The following NFASC variants were observed in gnomAD, a reference collection of about 807,000 sequenced individuals.
NFASC encodes the protein neurofascin homolog.
A neutral mutation model predicts 147.5 loss-of-function variants in NFASC; 43 were observed. The observed-to-expected ratio is 0.29, with a 90% CI of 0.23 to 0.38. The LOEUF (loss-of-function observed/expected upper bound fraction) is 0.38. Among genes scored for constraint, NFASC ranks in the 10% least tolerant of loss-of-function variants. The pLI, the probability that NFASC is intolerant of heterozygous loss-of-function variation, is 1.00. For missense variants in NFASC, 1,320 were observed against 1,689.0 expected (o/e 0.78, Z 3.83); for synonymous variants, 622 against 665.5 (o/e 0.93, Z 1.01).
chr1:204,839,024 T>C (rs915184349), intron 1 of NFASC, among the ~76,000 whole-genome samples: 2 of 152,254 alleles, frequency 1.3e-5, no homozygotes, highest in Non-Finnish European at 2.9e-5. Context: ...TGAACATGCT[T>C]GATTTCCTGT....
In NFASC at chr1:204,979,213, GTC is replaced by G. The variant is rs2095468738; in HGVS notation, c.1979-145_1979-144del. On this transcript the variant is annotated intron_variant, in intron 18 of 29. Transcript: ENST00000339876. The surrounding 1 kb of genome is among the most constrained non-coding windows in gnomAD (Gnocchi z 6.0). ...CCTCAGAATGTACAGAGGCCTTGGT[GTC>G]TCTTCCTGTGCCTTGGGAAGAATTC... is the stretch of plus-strand genomic sequence containing the variant. 2 of 928,010 alleles carry G rather than the reference GTC, an allele frequency of 2.2e-6. No individual in the cohort carries two copies. The highest frequency in any genetic ancestry group is 3.4e-6 in the Non-Finnish European group (2 of 592,494). 57.5% of individuals were successfully genotyped at this position (928,010 alleles called of 1,614,324 possible).
chr1:204,993,159 C>G (rs2095776036), intron 24 of NFASC, among the ~76,000 whole-genome samples: 1 of 152,202 alleles, frequency 6.6e-6, no homozygotes, highest in Non-Finnish European at 1.5e-5. Flanking sequence ...CTCTCGTCCT[C>G]TCCAAACCTG....
At chr1:204,870,571 C>A in intron 1 of NFASC, 1 of 716,412 alleles carries the variant, frequency 1.4e-6, no homozygotes, top group Non-Finnish European at 1.7e-6. Context: ...GAGCCTGGCC[C>A]GGCCTGGTAC....
chr1:205,007,272 CGTA>C (rs1250929307), intron 27 of NFASC, among the ~76,000 whole-genome samples: 2 of 151,918 alleles, frequency 1.3e-5, no homozygotes, highest in Non-Finnish European at 2.9e-5. Context: ...GACATGCACT[CGTA>C]GTCCCAGCTA....
At chr1:204,889,809 G>A (rs1279342558) in intron 1 of NFASC, among the ~76,000 whole-genome samples, 1 of 152,224 alleles carries the variant, frequency 6.6e-6, no homozygotes, top group Non-Finnish European at 1.5e-5. Flanking sequence ...GCGGCTGGGA[G>A]CTGTCATCAG....
In NFASC at chr1:205,009,335, C is replaced by T. The variant is rs943981610; in HGVS notation, c.3290-222C>T. Reference sequence around the variant, plus strand: ...ACCTTCTGCTTATTTGCTCCTTGTACCCCTTTCCTTTGCCTCTTTTCTGAT... The same window carrying T: ...ACCTTCTGCTTATTTGCTCCTTGTATCCCTTTCCTTTGCCTCTTTTCTGAT... On this transcript the variant is annotated intron_variant, in intron 27 of 29. Coordinates refer to ENST00000339876, the MANE Select transcript of NFASC (RefSeq NM_001005388.3). The T allele has an allele frequency of 5.8e-6, 4 of 689,326 alleles. No individual in the cohort carries two copies. In the African/African-American group the frequency reaches 7.0e-5, roughly 12 times the overall value. The allele number at this position is 689,326 out of a possible 1,614,324, so 42.7% of individuals were successfully genotyped here.
At chr1:205,014,384 A>T (rs1428902828) in intron 29 of NFASC, among the ~76,000 whole-genome samples, 4 of 152,218 alleles carry the variant, frequency 2.6e-5, no homozygotes, top group Non-Finnish European at 4.4e-5. Context: ...ACCTGGGAAA[A>T]GGCTGAAATT....
At chr1:205,014,702 C>T (rs1005251851) in intron 29 of NFASC, among the ~76,000 whole-genome samples, 1 of 152,194 alleles carries the variant, frequency 6.6e-6, no homozygotes, top group Non-Finnish European at 1.5e-5. Flanking sequence ...TGCTACAGAT[C>T]TCTTCCCCCG....
At chr1:204,935,344 A>G (rs931350187) in intron 2 of NFASC, among the ~76,000 whole-genome samples, 1 of 152,232 alleles carries the variant, frequency 6.6e-6, no homozygotes, top group African/African-American at 2.4e-5. Flanking sequence ...GGAGTCAGCC[A>G]CCATCACCTG....
chr1:204,952,412 C>G (rs908481096), intron 5 of NFASC, among the ~76,000 whole-genome samples: 1 of 152,114 alleles, frequency 6.6e-6, no homozygotes, highest in Non-Finnish European at 1.5e-5. Context: ...ATCTGCCCCA[C>G]GTTTAGCTTA....
At chr1:204,949,376 G>T (rs535584608) in intron 3 of NFASC, among the ~76,000 whole-genome samples, 1 of 152,300 alleles carries the variant, frequency 6.6e-6, no homozygotes, top group South Asian at 2.1e-4. Context: ...AAGTAGGAAG[G>T]CTTCAAAGTC....
Position 204,979,519 on chromosome 1 carries a change from C to T in NFASC, c.2136C>T (p.His712=), listed in dbSNP as rs777588508. The change falls in exon 19 of 30, where the codon CAC becomes CAT. Residue 712 remains histidine (H), a synonymous_variant. Transcript: ENST00000339876. The surrounding 1 kb of genome is among the most constrained non-coding windows in gnomAD (Gnocchi z 6.0). The part of the protein sequence containing the change: ...VIAINEVGSS[H]PSLPSERYRT... ...CCATCAACGAGGTTGGGAGCAGCCA[C>T]CCCAGCCTCCCATCCGAGCGCTACC... is the stretch of plus-strand genomic sequence containing the variant. The T allele has an allele frequency of 8.9e-5, 143 of 1,613,690 alleles. 3 individuals carry two copies. The South Asian group carries it at 1.5e-3, about 17-fold the overall frequency.
intron 3 of NFASC, among the ~76,000 whole-genome samples, chr1:204,945,477 A>G (rs1388758603): frequency 6.6e-6 from 1 of 152,130 alleles, no homozygotes; most frequent in African/African-American, 2.4e-5. Flanking sequence ...AGTTGGAGGT[A>G]TCTCAGCCCT....
intron 17 of NFASC, 25 bp downstream of exon 17, chr1:204,977,750 C>T (rs780046700): frequency 6.2e-7 from 1 of 1,600,762 alleles, no homozygotes; most frequent in Non-Finnish European, 8.5e-7. Context: ...TCACAGTCCC[C>T]TGCCAGTGCC....
chr1:205,012,792 C>G lies in NFASC; in HGVS notation c.3422-5C>G. 6.2e-7 allele frequency: 1 copy of G among 1,610,202 alleles called. No homozygotes were observed. The highest frequency in any genetic ancestry group is 8.5e-7 in the Non-Finnish European group (1 of 1,176,418). ...TCTGTGTCTTTGCTTCTCCTTTTGACCAAGTACGAGAAAAGAAGGATGTTC... is the reference window on the plus strand; with the variant it reads ...TCTGTGTCTTTGCTTCTCCTTTTGAGCAAGTACGAGAAAAGAAGGATGTTC... On this transcript the variant is annotated splice_region_variant and splice_polypyrimidine_tract_variant and intron_variant, in intron 28 of 29. Transcript: ENST00000339876.
At chr1:204,896,584 G>A (rs186121326) in intron 1 of NFASC, among the ~76,000 whole-genome samples, 2 of 152,286 alleles carry the variant, frequency 1.3e-5, no homozygotes, top group Non-Finnish European at 2.9e-5. Context: ...TGTACACTCA[G>A]GAAGGGACAC....
intron 1 of NFASC, among the ~76,000 whole-genome samples, chr1:204,900,696 G>T (rs568853911): frequency 1.2e-4 from 18 of 152,262 alleles, no homozygotes; most frequent in South Asian, 4.1e-4. Context: ...GAGGTGGTTT[G>T]CAATTTCAGG....
chr1:204,962,583 A>G (rs2094731323), intron 8 of NFASC, among the ~76,000 whole-genome samples: 1 of 152,202 alleles, frequency 6.6e-6, no homozygotes, highest in African/African-American at 2.4e-5. Flanking sequence ...GCTTGTTAGT[A>G]TGTTCAGTTA....
Position 204,900,176 on chromosome 1 carries a change from A to G in NFASC, c.-199-20456A>G, listed in dbSNP as rs12061695. ...TTTATTAAAATATAAGATTAAGACT[A>G]GCCAAAATAAATACTCTGTTTGAGA... On this transcript the variant is annotated intron_variant, in intron 1 of 29. Coordinates refer to ENST00000339876, the MANE Select transcript of NFASC (RefSeq NM_001005388.3). Among the ~76,000 whole-genome samples, 1,071 of 152,348 alleles carry G rather than the reference A, an allele frequency of 7.0e-3. 16 individuals carry two copies. The highest frequency in any genetic ancestry group is 0.024 in the African/African-American group (998 of 41,562).
Sources: gnomAD v4.1 joint callset for allele counts (sites outside exome capture counted in the v4.1 genomes callset) on GRCh38, gnomAD v4.1.1 for gene constraint, Gnocchi (gnomAD v3.1) non-coding constraint, MANE v1.5 for transcripts, NCBI Gene and HGNC (gene_info 2026-07-23, HGNC 2026-07-21) for gene names.